MTMR7: variants seen among roughly 807,000 people sequenced by gnomAD.
MTMR7 encodes myotubularin related protein 7.
MTMR7 carries 76 observed loss-of-function variants against 81.2 expected under a neutral mutation model. The ratio of observed to expected loss-of-function variants is 0.94; its 90% CI spans 0.78 to 1.13. The LOEUF (loss-of-function observed/expected upper bound fraction) is 1.13. Ranked by LOEUF, MTMR7 falls within the 50% of genes most tolerant of loss-of-function variation. The probability of loss-of-function intolerance (pLI) is 0.00; values close to 1 mark genes in which losing one functional copy is unlikely to be tolerated. For synonymous variants in MTMR7, 372 were observed against 289.8 expected, an observed-to-expected ratio of 1.28 and a Z score of -2.88; for missense variants, 1,044 against 820.0, an observed-to-expected ratio of 1.27 and a Z score of -3.34.
chr8:17,370,128 GTTT>G (rs201807333), intron 3 of MTMR7, among the ~76,000 whole-genome samples: 1 of 141,934 alleles, frequency 7.0e-6, no homozygotes, highest in Non-Finnish European at 1.5e-5. Flanking sequence ...ACCACATTAA[GTTT>G]TTTTTTTTTT....
intron 4 of MTMR7, among the ~76,000 whole-genome samples, chr8:17,358,773 T>C (rs1461795605): frequency 6.6e-6 from 1 of 152,174 alleles, no homozygotes; most frequent in East Asian, 1.9e-4. Flanking sequence ...CCTTTATGCC[T>C]TTTGGTAGAT....
At chr8:17,376,775 T>G (rs1820602582) in intron 1 of MTMR7, among the ~76,000 whole-genome samples, 1 of 152,300 alleles carries the variant, frequency 6.6e-6, no homozygotes, top group African/African-American at 2.4e-5. Context: ...TATCGCATCG[T>G]GAAAGTGACC....
At chr8:17,364,745 T>C (rs1323713819) in intron 3 of MTMR7, among the ~76,000 whole-genome samples, 4 of 152,246 alleles carry the variant, frequency 2.6e-5, no homozygotes, top group African/African-American at 9.6e-5. Flanking sequence ...AATAACACAA[T>C]GTCTTCCTTT....
chr8:17,400,290 C>T (rs564893652), intron 1 of MTMR7, among the ~76,000 whole-genome samples: 23 of 152,146 alleles, frequency 1.5e-4, no homozygotes, highest in African/African-American at 5.5e-4. Flanking sequence ...TCAAAATCAC[C>T]CTAAGAGGTG....
chr8:17,338,353 C>A (rs1054423796), intron 6 of MTMR7, among the ~76,000 whole-genome samples: 1 of 152,152 alleles, frequency 6.6e-6, no homozygotes, highest in Non-Finnish European at 1.5e-5. Flanking sequence ...TTACACAACA[C>A]AGTACATATC....
At chr8:17,374,174 G>A (rs573360349) in intron 1 of MTMR7, among the ~76,000 whole-genome samples, 5 of 152,276 alleles carry the variant, frequency 3.3e-5, no homozygotes, top group African/African-American at 4.8e-5. Flanking sequence ...CATTGTATTC[G>A]CTCCATTCTT....
intron 3 of MTMR7, among the ~76,000 whole-genome samples, chr8:17,364,355 GACT>G (rs1016493754): frequency 7.9e-5 from 12 of 152,098 alleles, no homozygotes; most frequent in African/African-American, 2.9e-4. Context: ...TATGATTTTT[GACT>G]ACAATGTGGA....
chr8:17,351,333 C>A (rs375513845), intron 4 of MTMR7, among the ~76,000 whole-genome samples: 54 of 152,274 alleles, frequency 3.5e-4, no homozygotes, highest in African/African-American at 1.3e-3. Flanking sequence ...CTTTTATGGT[C>A]TTCTAAGGCT....
chr8:17,301,465 C>G (rs1045121166), intron 13 of MTMR7, among the ~76,000 whole-genome samples: 2 of 152,042 alleles, frequency 1.3e-5, no homozygotes, highest in African/African-American at 4.8e-5. Flanking sequence ...AAATTGTATA[C>G]AAGCAGCAAA....
chr8:17,326,679 A>G (rs1230418230), intron 7 of MTMR7, among the ~76,000 whole-genome samples: 2 of 152,216 alleles, frequency 1.3e-5, no homozygotes, highest in Admixed American at 1.3e-4. Flanking sequence ...GTGAACAGCC[A>G]ACATGTGGGG....
At chr8:17,371,477 G>C (rs1415227722) in intron 2 of MTMR7, among the ~76,000 whole-genome samples, 3 of 152,284 alleles carry the variant, frequency 2.0e-5, no homozygotes, top group African/African-American at 7.2e-5. Flanking sequence ...TCCAGGTATG[G>C]AAACATTTTG....
chr8:17,304,552 T>G, intron 11 of MTMR7, 33 bp from the exon 12 acceptor site: 1 of 1,600,344 alleles, frequency 6.2e-7, no homozygotes, highest in East Asian at 2.2e-5. Flanking sequence ...ATAAATGACC[T>G]ATTTTGGTGC....
intron 3 of MTMR7, among the ~76,000 whole-genome samples, chr8:17,369,147 A>G (rs1820328722): frequency 6.6e-6 from 1 of 152,214 alleles, no homozygotes; most frequent in South Asian, 2.1e-4. Flanking sequence ...AGTGACACAG[A>G]AACTGTTAGC....
At chr8:17,381,867 G>A (rs180891066) in intron 1 of MTMR7, among the ~76,000 whole-genome samples, 1 of 152,334 alleles carries the variant, frequency 6.6e-6, no homozygotes, top group Non-Finnish European at 1.5e-5. Context: ...GTATTTGTGA[G>A]TCAAGAGGCC....
At position 17,341,351 on chromosome 8, in the gene MTMR7, G is replaced by A. The variant is rs184860500; in HGVS notation, c.732+12C>T. ...CAGGTGCAAAGACATGCATCGCAAC[G>A]GTGACACTTACTTTAGGCCGGGTGT... is the stretch of plus-strand genomic sequence containing the variant. On this transcript the variant is annotated intron_variant, in intron 6 of 13. Coordinates refer to ENST00000180173, the MANE Select transcript of MTMR7 (RefSeq NM_004686.5). The A allele has an allele frequency of 2.0e-4, 321 of 1,613,656 alleles. 1 individual carries two copies. The highest frequency in any genetic ancestry group is 7.5e-4 in the African/African-American group (56 of 75,046).
In MTMR7 at chr8:17,413,258, G is replaced by C. The variant is rs1023421354; in HGVS notation, c.24+11C>G. On this transcript the variant is annotated intron_variant, in intron 1 of 13. Transcript: ENST00000180173. ...TCCCGTCCCTCCTCCGCCCGCGCTGGTGTCACCAACCTTGGGCGTACGGAT... is the reference window on the plus strand; with the variant it reads ...TCCCGTCCCTCCTCCGCCCGCGCTGCTGTCACCAACCTTGGGCGTACGGAT... 1.3e-6 allele frequency: 2 copies of C among 1,548,222 alleles called. No homozygotes were observed. Among genetic ancestry groups the C allele is most frequent in the Non-Finnish European group, 1.7e-6 (2 of 1,145,114 alleles).
At chr8:17,301,756 T>C (rs1586128816) in intron 13 of MTMR7, 1 of 203,258 alleles carries the variant, frequency 4.9e-6, no homozygotes, top group Non-Finnish European at 9.8e-6. Flanking sequence ...CCTTTACCAA[T>C]TATAGATTAA....
chr8:17,351,966 G>A (rs1819743116), intron 4 of MTMR7, among the ~76,000 whole-genome samples: 1 of 151,488 alleles, frequency 6.6e-6, no homozygotes, highest in Non-Finnish European at 1.5e-5. Flanking sequence ...ACAAGTAAAT[G>A]GTAAGATACC....
rs746532431 is a variant in MTMR7, at chr8:17,299,933, C to T, written c.1912G>A (p.Gly638Ser). Residue 638 changes from glycine (G) to serine (S), a missense_variant, in exon 14 of 14, where the codon GGT becomes AGT. Transcript: ENST00000180173. ...EDLSCRSPSG[G>S]EHAPSEDSGK... ...CTATCTTCACTCGGTGCATGCTCAC[C>T]ACCACTTGGAGACCGACAGCTCAAA... 3 of 1,614,048 alleles carry T rather than the reference C, an allele frequency of 1.9e-6. No individual in the cohort carries two copies. Among genetic ancestry groups the T allele is most frequent in the Admixed American group, 1.7e-5 (1 of 59,994 alleles).
Sources: gnomAD v4.1 joint callset for allele counts (sites outside exome capture counted in the v4.1 genomes callset) on GRCh38, gnomAD v4.1.1 for gene constraint, MANE v1.5 for transcripts, NCBI Gene and HGNC (gene_info 2026-07-23, HGNC 2026-07-21) for gene names.